WDR54: variants seen among roughly 807,000 people sequenced by gnomAD.
WDR54 encodes WD repeat domain 54, also known as WD repeat-containing protein 54.
WDR54 carries 44 observed loss-of-function variants against 44.1 expected under a neutral mutation model. The observed-to-expected ratio is 1.00, with a 90% CI of 0.78 to 1.28. The LOEUF (loss-of-function observed/expected upper bound fraction) is 1.28. Ranked by LOEUF, WDR54 falls within the 50% of genes most tolerant of loss-of-function variation. WDR54 has a pLI of 0.00. For synonymous variants in WDR54, 169 were observed against 169.8 expected (o/e 1.00, Z 0.04); for missense variants, 409 against 429.7 (o/e 0.95, Z 0.43).
Position 74,425,615 on chromosome 2 carries a change from G to A in WDR54, c.919G>A (p.Gly307Ser), listed in dbSNP as rs1573229511. The change falls in exon 10 of 10, where the codon GGT becomes AGT. Residue 307 changes from glycine to serine, a missense_variant. Gly to Ser is a moderately conservative substitution (Grantham distance 56, BLOSUM62 0). Coordinates refer to ENST00000348227, the MANE Select transcript of WDR54 (RefSeq NM_032118.4). ...GECVADTQLC[G>S]ARFCDSSGNS... ...GTGTGTCGCCGACACCCAGCTGTGTGGTGCTCGATTTTGTGATTCCTCAGG... is the reference window on the plus strand; with the variant it reads ...GTGTGTCGCCGACACCCAGCTGTGTAGTGCTCGATTTTGTGATTCCTCAGG... 1 of 1,614,246 alleles carries A rather than the reference G, an allele frequency of 6.2e-7. No homozygotes were observed.
chr2:74,425,566 C>G lies in WDR54; in HGVS notation c.874-4C>G. On this transcript the variant is annotated splice_region_variant and splice_polypyrimidine_tract_variant and intron_variant, in intron 9 of 9. Coordinates refer to ENST00000348227, the MANE Select transcript of WDR54 (RefSeq NM_032118.4). ...AGGCCCTGACGAGCCCTCTGCTCCC[C>G]CAGGTGGAACACTGTCATGGTGAGT... is the stretch of plus-strand genomic sequence containing the variant. 2.5e-6 allele frequency: 4 copies of G among 1,614,218 alleles called. No homozygotes were observed. The South Asian group carries it at 4.4e-5, about 18-fold the overall frequency.
rs762196131 is a variant in WDR54 at position 74,425,244 on chromosome 2, C to T, written c.798+7C>T. 1 of 1,532,704 alleles carries T rather than the reference C, an allele frequency of 6.5e-7. No individual in the cohort carries two copies. The highest frequency in any genetic ancestry group is 1.8e-4 in the Middle Eastern group (1 of 5,640). 94.9% of individuals were successfully genotyped at this position (1,532,704 alleles called of 1,614,324 possible). A position where few individuals can be genotyped will look rare whatever the true frequency, so the allele number is the denominator to read the frequency against. On this transcript the variant is annotated splice_region_variant and intron_variant, in intron 8 of 9. Coordinates refer to ENST00000348227, the MANE Select transcript of WDR54 (RefSeq NM_032118.4). ...GGCTTCTGAGGTGGGCAAGGTAAGT[C>T]TCCTCCTCTGTACCTACATACCCTT... is the stretch of plus-strand genomic sequence containing the variant.
chr2:74,422,506 CCT>C (rs1670158519), intron 2 of WDR54, 131 bp downstream of exon 2: 1 of 1,153,072 alleles, frequency 8.7e-7, no homozygotes, highest in Admixed American at 2.7e-5. Flanking sequence ...CAGAATCTCC[CCT>C]CTCCTGCCGG....
chr2:74,422,528 C>T (rs1558532874), intron 2 of WDR54, 153 bp downstream of exon 2: 6 of 948,446 alleles, frequency 6.3e-6, no homozygotes, highest in Middle Eastern at 3.2e-4. Context: ...GGCGCGGTGG[C>T]TCACGCCTGT....
In WDR54 at chr2:74,421,821, T is replaced by TA; in HGVS notation, c.-2+6dup. 1 of 670,148 alleles carries TA rather than the reference T, an allele frequency of 1.5e-6. No individual in the cohort carries two copies. Among genetic ancestry groups the TA allele is most frequent in the Non-Finnish European group, 2.7e-6 (1 of 365,520 alleles). 41.5% of individuals were successfully genotyped at this position (670,148 alleles called of 1,614,324 possible). On this transcript the variant is annotated splice_donor_region_variant and intron_variant, in intron 1 of 9. Coordinates refer to ENST00000348227, the MANE Select transcript of WDR54 (RefSeq NM_032118.4). ...CGAGCCGATCTGGGGCTGCAGGTGT[T>TA]ACCTCTGATCTAGGCCGGGGGCTTC...
In WDR54 at chr2:74,425,124, T is replaced by C. The variant is rs1365405391; in HGVS notation, c.685T>C (p.Tyr229His). 6.3e-7 allele frequency: 1 copy of C among 1,576,084 alleles called. No individual in the cohort carries two copies. The highest frequency in any genetic ancestry group is 1.7e-5 in the Admixed American group (1 of 58,370). ...GTGGCAGGGGATCATAGCAGCAGGC[T>C]ATGGGAACGGACAAGTGCATCTATA... ...QLWQGIIAAG[Y>H]GNGQVHLYEA... The change falls in exon 8 of 10, where the codon TAT (tyrosine) becomes CAT (histidine). Residue 229 changes from tyrosine to histidine, a missense_variant. Tyr to His is a moderately conservative substitution (Grantham distance 83). Coordinates refer to ENST00000348227, the MANE Select transcript of WDR54 (RefSeq NM_032118.4).
chr2:74,425,665 T>TGATCCCG lies in WDR54; in HGVS notation c.971_972insTCCCGGA (p.Leu325ProfsTer?). 1 of 1,614,238 alleles carries TGATCCCG rather than the reference T, an allele frequency of 6.2e-7. No individual in the cohort carries two copies. The highest frequency in any genetic ancestry group is 8.5e-7 in the Non-Finnish European group (1 of 1,180,026). On this transcript the variant is annotated frameshift_variant, in exon 10 of 10. Coordinates refer to ENST00000348227, the MANE Select transcript of WDR54 (RefSeq NM_032118.4). LOFTEE classifies it high-confidence loss of function. ...GCAACTCCTTTGCTGTGACTGGCTATGACCTTGCGGAGATCCGGAGATTCA... is the reference window on the plus strand; with the variant it reads ...GCAACTCCTTTGCTGTGACTGGCTATGATCCCGGACCTTGCGGAGATCCGGAGATTCA...
chr2:74,422,747 G>T (rs1670174705), intron 2 of WDR54, 123 bp from the exon 3 acceptor site: 2 of 895,054 alleles, frequency 2.2e-6, no homozygotes, highest in Non-Finnish European at 3.5e-6. Flanking sequence ...GAGCCGAGAT[G>T]GCGCCACTGC....
At chr2:74,423,264 T>C in intron 3 of WDR54, 55 bp from the exon 4 acceptor site, 1 of 1,578,914 alleles carries the variant, frequency 6.3e-7, no homozygotes, top group Non-Finnish European at 8.7e-7. Context: ...ATATGTGAAG[T>C]ACTCAGCAGA....
intron 3 of WDR54, 110 bp from the exon 4 acceptor site, chr2:74,423,209 A>C: frequency 7.7e-7 from 1 of 1,295,356 alleles, no homozygotes; most frequent in Non-Finnish European, 1.1e-6. Flanking sequence ...TAGTACCTAC[A>C]TCCCAGATTT....
At chr2:74,422,044 A>C (rs188973032) in intron 1 of WDR54, 109 bp from the exon 2 acceptor site, 1 of 1,167,082 alleles carries the variant, frequency 8.6e-7, no homozygotes, top group African/African-American at 1.5e-5. Context: ...ACCCCATCCT[A>C]TGACCCAGTC....
intron 2 of WDR54, 179 bp downstream of exon 2, chr2:74,422,554 G>A (rs1173404273): frequency 2.6e-6 from 2 of 770,676 alleles, no homozygotes; most frequent in Admixed American, 2.9e-5. Flanking sequence ...CAACACTTTG[G>A]GAGGCTGAGA....
At position 74,422,480 on chromosome 2, in the gene WDR54, A is replaced by AGGCATGTCCTAACCTCAGAATCTCCCCT. The variant is rs1573221579; in HGVS notation, c.222+106_222+133dup. 1.1e-5 allele frequency: 14 copies of AGGCATGTCCTAACCTCAGAATCTCCCCT among 1,308,814 alleles called. No homozygotes were observed. In the East Asian group the frequency reaches 3.6e-4, roughly 33 times the overall value. The allele number at this position is 1,308,814 out of a possible 1,614,324, so 81.1% of individuals were successfully genotyped here. A position where few individuals can be genotyped will look rare whatever the true frequency, so the allele number is the denominator to read the frequency against. Reference sequence around the variant, plus strand: ...CATGTCCTAACCTCAGAATCTCCCCAGGCATGTCCTAACCTCAGAATCTCC... The same window carrying AGGCATGTCCTAACCTCAGAATCTCCCCT: ...CATGTCCTAACCTCAGAATCTCCCCAGGCATGTCCTAACCTCAGAATCTCCCCTGGCATGTCCTAACCTCAGAATCTCC... On this transcript the variant is annotated intron_variant, in intron 2 of 9. Transcript: ENST00000348227.
Position 74,425,741 on chromosome 2 carries a change from T to A in WDR54, c.*40T>A. The A allele has an allele frequency of 6.2e-7, 1 of 1,613,256 alleles. No individual in the cohort carries two copies. The highest frequency in any genetic ancestry group is 8.5e-7 in the Non-Finnish European group (1 of 1,179,676). On this transcript the variant is annotated 3_prime_UTR_variant, in exon 10 of 10. Coordinates refer to ENST00000348227, the MANE Select transcript of WDR54 (RefSeq NM_032118.4). ...CTTTGTCCCTGTGGTATTCATAAAG[T>A]ACCCGCTCCACCCAGCCTTTGTCTG...
intron 1 of WDR54, 50 bp from the exon 2 acceptor site, chr2:74,422,103 G>T (rs1333024840): frequency 1.9e-6 from 3 of 1,581,012 alleles, no homozygotes; most frequent in Non-Finnish European, 2.6e-6. Flanking sequence ...GGGCATCTCC[G>T]CTGCGTCTGT....
rs1025242161 is a variant in WDR54 at position 74,425,339 on chromosome 2, T to C, written c.799-78T>C. 2.5e-6 allele frequency: 4 copies of C among 1,591,152 alleles called. No homozygotes were observed. The African/African-American group carries it at 4.0e-5, about 16-fold the overall frequency. ...TGCAACTCAGTGTAGCCCCCTCCCC[T>C]GGGGCACCTGGACTGGGGATTCCAG... On this transcript the variant is annotated intron_variant, in intron 8 of 9. Coordinates refer to ENST00000348227, the MANE Select transcript of WDR54 (RefSeq NM_032118.4).
chr2:74,425,056 T>G lies in WDR54; in HGVS notation c.636-19T>G, dbSNP rs376582894. ...AGGATTTGATCTGGGCAAAACAAAG[T>G]TGGGTGTCACCCTTGCAGAGTTCCG... On this transcript the variant is annotated intron_variant, in intron 7 of 9. Transcript: ENST00000348227. 7 of 1,612,198 alleles carry G rather than the reference T, an allele frequency of 4.3e-6. No individual in the cohort carries two copies. The highest frequency in any genetic ancestry group is 5.9e-6 in the Non-Finnish European group (7 of 1,178,352).
chr2:74,424,880 T>A lies in WDR54; in HGVS notation c.540T>A (p.Cys180Ter). The change falls in exon 7 of 10, where the codon TGT becomes TGA. Residue 180 changes from cysteine to a stop codon, truncating the protein, a stop_gained. Coordinates refer to ENST00000348227, the MANE Select transcript of WDR54 (RefSeq NM_032118.4). LOFTEE classifies it high-confidence loss of function. Reference protein sequence around the residue: ...IATEPAQGQDCVADMVTADDS... With the variant: ...IATEPAQGQD Reference sequence around the variant, plus strand: ...GATCTTGCCTTTCCCTTCAGGATTGTGTGGCTGACATGGTGACGGCAGATG... The same window carrying A: ...GATCTTGCCTTTCCCTTCAGGATTGAGTGGCTGACATGGTGACGGCAGATG... 1.9e-6 allele frequency: 3 copies of A among 1,614,172 alleles called. No individual in the cohort carries two copies. The South Asian group carries it at 3.3e-5, about 18-fold the overall frequency.
intron 2 of WDR54, 156 bp from the exon 3 acceptor site, chr2:74,422,714 A>C (rs1670171366): frequency 4.3e-6 from 3 of 699,816 alleles, no homozygotes; most frequent in Non-Finnish European, 7.1e-6. Flanking sequence ...AATCGCTTGA[A>C]CCCAGGAGGC....
Sources: gnomAD v4.1 joint callset for allele counts on GRCh38, gnomAD v4.1.1 for gene constraint, MANE v1.5 for transcripts, NCBI Gene and HGNC (gene_info 2026-07-23, HGNC 2026-07-21) for gene names.